Variants in GRIP1 observed in about 807,000 individuals in gnomAD.
The protein encoded by GRIP1 is glutamate receptor interacting protein 1.
GRIP1 carries 45 observed loss-of-function variants against 129.9 expected under a neutral mutation model. The observed-to-expected ratio is 0.35, with a 90% CI of 0.27 to 0.44. The LOEUF is 0.44. GRIP1 is among the 20% of genes least tolerant of loss of function. The pLI, the probability that GRIP1 is intolerant of heterozygous loss-of-function variation, is 1.00. For synonymous variants in GRIP1, 530 were observed against 520.8 expected (o/e 1.02, Z -0.24); for missense variants, 1,196 against 1,396.8 (o/e 0.86, Z 2.29).
intron 3 of GRIP1, among the ~76,000 whole-genome samples, 169 bp from the exon 4 acceptor site, chr12:66,539,392 T>C (rs2061702582): frequency 6.6e-6 from 1 of 152,002 alleles, no homozygotes; most frequent in South Asian, 2.1e-4. Context: ...AGGGTAAGAG[T>C]ACAGCTGAAG....
chr12:66,510,842 T>C (rs577423736), intron 7 of GRIP1, among the ~76,000 whole-genome samples: 10 of 152,172 alleles, frequency 6.6e-5, no homozygotes, highest in Non-Finnish European at 1.3e-4. Flanking sequence ...TAAATCAAAG[T>C]ATTATTAATG....
Position 67,029,960 on chromosome 12 carries a change from G to A in GRIP1, c.58+39090C>T, listed in dbSNP as rs2042997078. Among the ~76,000 whole-genome samples the A allele has an allele frequency of 2.6e-5, 4 of 151,724 alleles. No individual in the cohort carries two copies. The South Asian group carries it at 8.3e-4, about 32-fold the overall frequency. ...CACGCCTGTAATCCCAGCACTTTGG[G>A]AGGGCCAAGGCGGGTGGATCACGAG... On this transcript the variant is annotated intron_variant, in intron 1 of 1. Transcript: ENST00000643019.
chr12:66,649,741 G>A (rs986407552), intron 1 of GRIP1, among the ~76,000 whole-genome samples: 6 of 152,168 alleles, frequency 3.9e-5, no homozygotes, highest in South Asian at 4.1e-4. Context: ...TGAAAAAGAC[G>A]TAGGTTTCGG....
At chr12:66,534,914 G>C (rs2061562480) in intron 4 of GRIP1, among the ~76,000 whole-genome samples, 1 of 151,970 alleles carries the variant, frequency 6.6e-6, no homozygotes, top group Non-Finnish European at 1.5e-5. Context: ...GGCTGGTCTC[G>C]AGCTCCTGAA....
At chr12:66,427,994 G>C (rs1308152556) in intron 14 of GRIP1, among the ~76,000 whole-genome samples, 1 of 152,052 alleles carries the variant, frequency 6.6e-6, no homozygotes, top group Non-Finnish European at 1.5e-5. Flanking sequence ...AAACCATCTA[G>C]GCCATCAGGG....
intron 7 of GRIP1, among the ~76,000 whole-genome samples, chr12:66,496,446 A>G (rs954480895): frequency 6.6e-6 from 1 of 152,156 alleles, no homozygotes; most frequent in African/African-American, 2.4e-5. Context: ...TTGCTCCAAC[A>G]AGCGTTATCT....
At chr12:66,456,404 AAG>A in intron 9 of GRIP1, 62 bp from the exon 10 acceptor site, 1 of 920,112 alleles carries the variant, frequency 1.1e-6, no homozygotes, top group South Asian at 1.4e-5. Context: ...AGAACCAAAA[AAG>A]AGGAAAAATA....
chr12:66,440,490 A>G (rs986156977), intron 13 of GRIP1, among the ~76,000 whole-genome samples: 3 of 152,226 alleles, frequency 2.0e-5, no homozygotes, highest in Middle Eastern at 3.4e-3. Context: ...TCTGGTAACC[A>G]TCTTTCTACT....
At chr12:66,861,308 A>G (rs1367321627) in intron 1 of GRIP1, among the ~76,000 whole-genome samples, 2 of 152,158 alleles carry the variant, frequency 1.3e-5, no homozygotes, top group Non-Finnish European at 2.9e-5. Context: ...CACATTTGCA[A>G]AGGCAACTGT....
At chr12:66,618,043 T>C (rs535321971) in intron 1 of GRIP1, among the ~76,000 whole-genome samples, 1 of 152,262 alleles carries the variant, frequency 6.6e-6, no homozygotes, top group African/African-American at 2.4e-5. Flanking sequence ...TGTCTTCCCA[T>C]GTACATAATA....
At chr12:66,641,814 C>T (rs966713364) in intron 1 of GRIP1, among the ~76,000 whole-genome samples, 1 of 152,174 alleles carries the variant, frequency 6.6e-6, no homozygotes, top group East Asian at 1.9e-4. Flanking sequence ...GCTACCATCA[C>T]CTAGCATTGT....
At chr12:66,617,286 G>GAAAAAA (rs63275262) in intron 1 of GRIP1, among the ~76,000 whole-genome samples, 5 of 104,054 alleles carry the variant, frequency 4.8e-5, no homozygotes, top group Non-Finnish European at 6.1e-5. Flanking sequence ...CAGCCAACAA[G>GAAAAAA]AAAAAAAAAA....
chr12:66,914,381 T>C (rs1407140466), intron 1 of GRIP1, among the ~76,000 whole-genome samples: 1 of 152,208 alleles, frequency 6.6e-6, no homozygotes, highest in Admixed American at 6.5e-5. Context: ...AAAAAACATG[T>C]AATGGATATG....
chr12:66,675,714 G>A (rs1162981929), intron 1 of GRIP1, among the ~76,000 whole-genome samples: 1 of 152,122 alleles, frequency 6.6e-6, no homozygotes, highest in East Asian at 1.9e-4. Context: ...TTGGGTAATT[G>A]GTAGACTCTC....
At chr12:66,762,755 A>G (rs1480596120) in intron 1 of GRIP1, among the ~76,000 whole-genome samples, 1 of 152,206 alleles carries the variant, frequency 6.6e-6, no homozygotes, top group Non-Finnish European at 1.5e-5. Context: ...ACAGACATGA[A>G]CACACACAAC....
intron 1 of GRIP1, among the ~76,000 whole-genome samples, chr12:67,032,567 G>A (rs1447113229): frequency 2.0e-5 from 3 of 152,034 alleles, no homozygotes; most frequent in Non-Finnish European, 4.4e-5. Flanking sequence ...GACATTTTGG[G>A]CCAGATAATT....
intron 1 of GRIP1, among the ~76,000 whole-genome samples, chr12:66,611,714 T>C (rs1247945687): frequency 1.3e-5 from 2 of 152,212 alleles, no homozygotes; most frequent in African/African-American, 2.4e-5. Flanking sequence ...AAAGAAGGCA[T>C]ACATTTACCA....
At chr12:66,800,775 T>G (rs1464832067) in intron 1 of GRIP1, among the ~76,000 whole-genome samples, 1 of 152,070 alleles carries the variant, frequency 6.6e-6, no homozygotes, top group Non-Finnish European at 1.5e-5. Context: ...AGTTTTGTAA[T>G]CAAAGCAAGT....
intron 1 of GRIP1, among the ~76,000 whole-genome samples, chr12:67,054,395 A>G (rs1031123467): frequency 6.6e-6 from 1 of 152,256 alleles, no homozygotes; most frequent in Non-Finnish European, 1.5e-5. Flanking sequence ...AACAATAAAC[A>G]GCAGGCATAT....
Sources: gnomAD v4.1 joint callset for allele counts (sites outside exome capture counted in the v4.1 genomes callset) on GRCh38, gnomAD v4.1.1 for gene constraint, MANE v1.5 for transcripts, NCBI Gene and HGNC (gene_info 2026-07-23, HGNC 2026-07-21) for gene names.